Variants in MID1 observed in about 807,000 individuals in gnomAD.
MID1 encodes the protein E3 ubiquitin-protein ligase Midline-1.
In MID1, 7 loss-of-function variants were observed where a neutral mutation model predicts 40.4. The ratio of observed to expected loss-of-function variants is 0.17; its 90% confidence interval spans 0.10 to 0.33. MID1 has a LOEUF of 0.33. Ranked by LOEUF, MID1 falls within the 10% of genes least tolerant of loss-of-function variation. MID1 has a pLI of 1.00. For synonymous variants in MID1, 229 were observed against 221.2 expected, an observed-to-expected ratio of 1.04 and a Z score of -0.31; for missense variants, 367 against 558.5, an observed-to-expected ratio of 0.66 and a Z score of 3.46.
chrX:10,715,413 C>T (rs199537787), intron 1 of MID1, among the ~76,000 whole-genome samples: 3 of 112,207 alleles, frequency 2.7e-5, no homozygotes, highest in Admixed American at 9.4e-5. Context: ...ATGCCTGGCT[C>T]GGAGGGTCCT....
chrX:10,560,929 C>T (rs1290739973), intron 2 of MID1, among the ~76,000 whole-genome samples: 1 of 106,477 alleles, frequency 9.4e-6, no homozygotes, highest in South Asian at 3.8e-4. Flanking sequence ...CTAAGCAAAT[C>T]GAACAAAGCT....
At chrX:10,554,436 G>A (rs1412329543) in intron 2 of MID1, among the ~76,000 whole-genome samples, 1 of 111,979 alleles carries the variant, frequency 8.9e-6, no homozygotes, top group Non-Finnish European at 1.9e-5. Flanking sequence ...GACCTACGAG[G>A]CAGTTTTCTA....
chrX:10,780,373 T>C lies in MID1; in HGVS notation c.-187+53181A>G, dbSNP rs746689534. ...AGATATCCTCTCCATCCTGTGGCTT[T>C]CAGAATTTATCTCATTAATTTCTAT... On this transcript the variant is annotated intron_variant, in intron 1 of 10. Coordinates refer to the MID1 transcript ENST00000380785. Among the ~76,000 whole-genome samples the C allele has an allele frequency of 1.7e-4, 19 of 111,797 alleles. No homozygotes were observed. The East Asian group carries it at 3.7e-3, about 22-fold the overall frequency.
intron 1 of MID1, among the ~76,000 whole-genome samples, chrX:10,648,630 G>A (rs988382919): frequency 9.0e-6 from 1 of 111,722 alleles, no homozygotes; most frequent in African/African-American, 3.3e-5. Flanking sequence ...TTCATTATTT[G>A]ACTATTTTAT....
At chrX:10,519,321 T>C (rs962605431) in intron 3 of MID1, among the ~76,000 whole-genome samples, 2 of 112,060 alleles carry the variant, frequency 1.8e-5, no homozygotes, top group Non-Finnish European at 3.8e-5. Context: ...TGTTCATCCA[T>C]TTATTCATAT....
Position 10,523,167 on chromosome X carries a change from G to A in MID1, c.681C>T (p.Leu227=). ...CTGTGTTCCTCTTAATAAGGTTGGT[G>A]AGGTTACTCTCTAAGTTTTGCTGTT... ...DKLKQNLESN[L]TNLIKRNTEL... The change falls in exon 3 of 10, where the codon CTC becomes CTT. Residue 227 remains leucine, a synonymous_variant. Transcript: ENST00000317552. The A allele has an allele frequency of 4.3e-6, 5 of 1,174,534 alleles. No individual in the cohort carries two copies. The highest frequency in any genetic ancestry group is 5.7e-6 in the Non-Finnish European group (5 of 871,107).
At chrX:10,643,842 C>A (rs767772539) in intron 1 of MID1, among the ~76,000 whole-genome samples, 37 of 111,712 alleles carry the variant, frequency 3.3e-4, no homozygotes, top group African/African-American at 1.2e-3. Flanking sequence ...ATGATGAGTT[C>A]ATGTCCTTTG....
At chrX:10,782,070 G>A (rs1238958959) in intron 1 of MID1, among the ~76,000 whole-genome samples, 1 of 111,905 alleles carries the variant, frequency 8.9e-6, no homozygotes, top group Non-Finnish European at 1.9e-5. Flanking sequence ...GCATAAATTC[G>A]GCCTCAGGGA....
At chrX:10,787,951 G>A (rs1214333357) in intron 1 of MID1, among the ~76,000 whole-genome samples, 1 of 110,850 alleles carries the variant, frequency 9.0e-6, no homozygotes, top group Non-Finnish European at 1.9e-5. Context: ...CATTATCACA[G>A]TTCTTAATTT....
At chrX:10,538,783 G>A (rs1052337105) in intron 2 of MID1, among the ~76,000 whole-genome samples, 1 of 111,821 alleles carries the variant, frequency 8.9e-6, no homozygotes, top group Non-Finnish European at 1.9e-5. Context: ...AACATCTAGC[G>A]GGTTGGCTGT....
intron 1 of MID1, among the ~76,000 whole-genome samples, chrX:10,769,041 G>A (rs755251563): frequency 1.9e-4 from 21 of 111,368 alleles, no homozygotes; most frequent in Admixed American, 4.8e-4. Flanking sequence ...ATTTTCTATC[G>A]TTTACAAAAA....
At chrX:10,723,778 G>A (rs1299765711) in intron 1 of MID1, among the ~76,000 whole-genome samples, 1 of 111,677 alleles carries the variant, frequency 9.0e-6, no homozygotes, top group East Asian at 2.8e-4. Context: ...CTGACCTCGT[G>A]ATCCGCCTGC....
chrX:10,640,866 C>T (rs1400831827), intron 1 of MID1, among the ~76,000 whole-genome samples: 1 of 110,622 alleles, frequency 9.0e-6, no homozygotes, highest in Non-Finnish European at 1.9e-5. Flanking sequence ...GAAACTCACT[C>T]AAAACCACTC....
chrX:10,824,280 G>A (rs763791620), intron 1 of MID1, among the ~76,000 whole-genome samples: 2 of 111,927 alleles, frequency 1.8e-5, no homozygotes, highest in Non-Finnish European at 3.8e-5. Context: ...TTGGGGGTCT[G>A]GAAACAGAAA....
intron 2 of MID1, among the ~76,000 whole-genome samples, chrX:10,552,883 T>C (rs1437503095): frequency 8.9e-6 from 1 of 111,990 alleles, no homozygotes; most frequent in Non-Finnish European, 1.9e-5. Flanking sequence ...TTGTTTTTTT[T>C]CCCTTAAGTT....
rs1372735964 is a variant in MID1 at position 10,684,094 on chromosome X, T to A, written c.-186-63675A>T. The stretch of plus-strand genomic sequence containing the variant: ...AGCACTTCATCCTTTAAAAAAGATT[T>A]TGTTTCGTTTTGGCTTTTTGTTTGT... On this transcript the variant is annotated intron_variant, in intron 1 of 10. Transcript: ENST00000380785. Among the ~76,000 whole-genome samples the A allele has an allele frequency of 6.3e-5, 7 of 110,608 alleles. No individual in the cohort carries two copies. In the Admixed American group the frequency reaches 6.8e-4, roughly 11 times the overall value.
At chrX:10,720,752 T>C (rs2043345759) in intron 1 of MID1, among the ~76,000 whole-genome samples, 1 of 110,852 alleles carries the variant, frequency 9.0e-6, no homozygotes, top group African/African-American at 3.3e-5. Flanking sequence ...TGCACACGTA[T>C]GTTTATTGCG....
At chrX:10,829,153 A>G (rs182852455) in intron 1 of MID1, among the ~76,000 whole-genome samples, 1 of 112,380 alleles carries the variant, frequency 8.9e-6, no homozygotes, top group East Asian at 2.8e-4. Flanking sequence ...TGAGTGTGTC[A>G]GTACAGATAT....
chrX:10,465,214 T>TATATATATATATATACACACACAC (rs1477864693), intron 7 of MID1, among the ~76,000 whole-genome samples: 1 of 39,898 alleles, frequency 2.5e-5, no homozygotes, highest in Non-Finnish European at 4.2e-5. Flanking sequence ...TATATATATA[T>TATATATATATATATACACACACAC]ACACACACAC....
Sources: allele counts gnomAD v4.1 joint callset (sites outside exome capture counted in the v4.1 genomes callset), GRCh38; gene constraint gnomAD v4.1.1; transcripts MANE v1.5; gene names NCBI Gene and HGNC (gene_info 2026-07-23, HGNC 2026-07-21).